The following ABCC1 variants were observed in gnomAD, a reference collection of about 807,000 sequenced individuals.
ABCC1 encodes the protein multidrug resistance-associated protein 1.
In ABCC1, 83 loss-of-function variants were observed where a neutral mutation model predicts 172.9. The ratio of observed to expected loss-of-function variants is 0.48; its 90% CI spans 0.40 to 0.58. ABCC1 has a LOEUF of 0.58. Among genes scored for constraint, ABCC1 ranks in the 20% least tolerant of loss-of-function variants. The probability of loss-of-function intolerance (pLI) is 0.00; values close to 1 mark genes in which losing one functional copy is unlikely to be tolerated. For synonymous variants in ABCC1, 937 were observed against 825.2 expected, an observed-to-expected ratio of 1.14 and a Z score of -2.32; for missense variants, 1,817 against 2,002.7, an observed-to-expected ratio of 0.91 and a Z score of 1.77.
At position 16,141,276 on chromosome 16, in the gene ABCC1, G is replaced by A. The variant is rs905137271; in HGVS notation, c.4591G>A (p.Val1531Met). 4.3e-6 allele frequency: 7 copies of A among 1,613,840 alleles called. No homozygotes were observed. The Admixed American group carries it at 5.0e-5, about 12-fold the overall frequency. ...CAGCATGGCCAAAGACGCCGGCTTGGTGTGAGCCCCAGAGCTGGCATATCT... is the reference window on the plus strand; with the variant it reads ...CAGCATGGCCAAAGACGCCGGCTTGATGTGAGCCCCAGAGCTGGCATATCT... ...FYSMAKDAGL[V>M] The change falls in exon 31 of 31, where the codon GTG becomes ATG. Residue 1531 changes from valine (V) to methionine (M), a missense_variant. Transcript: ENST00000399410.
intron 1 of ABCC1, among the ~76,000 whole-genome samples, chr16:15,954,888 C>G (rs1042792404): frequency 6.6e-6 from 1 of 152,156 alleles, no homozygotes. Flanking sequence ...TCCTAAAGAA[C>G]GTGAGCTTCC....
chr16:16,040,030 G>A (rs2048912083), intron 7 of ABCC1, among the ~76,000 whole-genome samples: 2 of 151,852 alleles, frequency 1.3e-5, no homozygotes, highest in African/African-American at 2.4e-5. Context: ...GCAGGGCAGT[G>A]GTGTGACGTG....
chr16:16,057,438 G>C (rs2049710476), intron 12 of ABCC1, among the ~76,000 whole-genome samples: 1 of 151,384 alleles, frequency 6.6e-6, no homozygotes, highest in Non-Finnish European at 1.5e-5. Flanking sequence ...TAGGATGTCA[G>C]CTCCAGATGG....
Position 16,056,543 on chromosome 16 carries a change from C to A in ABCC1, c.1677+248C>A, listed in dbSNP as rs2049662787. The A allele has an allele frequency of 1.1e-5, 6 of 523,944 alleles. No individual in the cohort carries two copies. In the South Asian group the frequency reaches 1.3e-4, roughly 11 times the overall value. 32.5% of individuals were successfully genotyped at this position (523,944 alleles called of 1,614,324 possible). A position where few individuals can be genotyped will look rare whatever the true frequency, so the allele number is the denominator to read the frequency against. Reference sequence around the variant, plus strand: ...AATAAGCCGGGTGTGGTGGCGCATGCCTGTAGTCCCAGCTACTAGGGAGGC... The same window carrying A: ...AATAAGCCGGGTGTGGTGGCGCATGACTGTAGTCCCAGCTACTAGGGAGGC... On this transcript the variant is annotated intron_variant, in intron 12 of 30. Coordinates refer to ENST00000399410, the MANE Select transcript of ABCC1 (RefSeq NM_004996.4).
chr16:15,992,411 T>C (rs752490083), intron 1 of ABCC1, among the ~76,000 whole-genome samples: 1 of 152,184 alleles, frequency 6.6e-6, no homozygotes, highest in African/African-American at 2.4e-5. Context: ...CTGTCTTTTT[T>C]TCTTTTGAGA....
At chr16:15,982,387 A>AG (rs1208342402) in intron 1 of ABCC1, among the ~76,000 whole-genome samples, 1 of 152,024 alleles carries the variant, frequency 6.6e-6, no homozygotes. Flanking sequence ...TCATGGTAGA[A>AG]GGGGAAGCAA....
chr16:15,999,819 T>TCTC (rs2047211609), intron 1 of ABCC1, among the ~76,000 whole-genome samples: 16 of 68,662 alleles, frequency 2.3e-4, no homozygotes, highest in African/African-American at 7.2e-4. Context: ...CCTCTCTCTC[T>TCTC]CTCTCTCTCT....
chr16:16,059,835 C>A (rs749428881), intron 12 of ABCC1, among the ~76,000 whole-genome samples: 1 of 150,192 alleles, frequency 6.7e-6, no homozygotes, highest in Non-Finnish European at 1.5e-5. Context: ...CCCAGCCCCC[C>A]ACAAAAAAAA....
intron 19 of ABCC1, among the ~76,000 whole-genome samples, chr16:16,096,966 G>T (rs1285016848): frequency 6.6e-6 from 1 of 151,942 alleles, no homozygotes; most frequent in African/African-American, 2.4e-5. Context: ...TCTCCACCCT[G>T]GCCCCCAGCC....
chr16:16,086,961 G>C lies in ABCC1; in HGVS notation c.2430G>C (p.Val810=). The C allele has an allele frequency of 6.2e-7, 1 of 1,614,246 alleles. No individual in the cohort carries two copies. Among genetic ancestry groups the C allele is most frequent in the Non-Finnish European group, 8.5e-7 (1 of 1,180,052 alleles). Residue 810 remains valine (V), a synonymous_variant, in exon 18 of 31, where the codon GTG becomes GTC. Transcript: ENST00000399410. ...AHVGKHIFEN[V]IGPKGMLKNK... is the part of the protein sequence containing the mutation. ...TGGGAAAACACATCTTTGAAAATGT[G>C]ATTGGCCCCAAGGGGATGCTGAAGA...
chr16:15,980,262 T>C (rs1473951326), intron 1 of ABCC1, among the ~76,000 whole-genome samples: 1 of 152,068 alleles, frequency 6.6e-6, no homozygotes, highest in Non-Finnish European at 1.5e-5. Context: ...CTCAGCACTT[T>C]GAGAGGCCAA....
In ABCC1 at chr16:16,026,690, C is replaced by T. The variant is rs1400983510; in HGVS notation, c.616-6419C>T. Among the ~76,000 whole-genome samples the T allele has an allele frequency of 5.3e-5, 8 of 150,794 alleles. No individual in the cohort carries two copies. In the East Asian group the frequency reaches 7.9e-4, roughly 15 times the overall value. ...CAGCGCTTTGTGAGGCCGAGATAGGCGGATCAGTTGAGGTCAGGAGTTCGA... is the reference window on the plus strand; with the variant it reads ...CAGCGCTTTGTGAGGCCGAGATAGGTGGATCAGTTGAGGTCAGGAGTTCGA... On this transcript the variant is annotated intron_variant, in intron 5 of 30. Transcript: ENST00000399410.
At chr16:16,134,311 C>T in intron 27 of ABCC1, 39 bp from the exon 28 acceptor site, 1 of 1,610,726 alleles carries the variant, frequency 6.2e-7, no homozygotes, top group Non-Finnish European at 8.5e-7. Flanking sequence ...AGTCCGGATG[C>T]CAGCATTCCC....
At position 16,134,421 on chromosome 16, in the gene ABCC1, T is replaced by A. The variant is rs554012320; in HGVS notation, c.4038T>A (p.Ser1346=). ...LTLGLFRINE[S]AEGEIIIDGI... ...TGGGCTTATTTCGGATCAACGAGTC[T>A]GCCGAAGGAGAGATCATCATCGATG... Residue 1346 remains serine (S), a synonymous_variant, in exon 28 of 31, where the codon TCT becomes TCA. Transcript: ENST00000399410. 110 of 1,614,030 alleles carry A rather than the reference T, an allele frequency of 6.8e-5. No individual in the cohort carries two copies. The highest frequency in any genetic ancestry group is 8.9e-5 in the Non-Finnish European group (105 of 1,180,028).
intron 1 of ABCC1, among the ~76,000 whole-genome samples, chr16:15,973,986 A>G (rs2046428715): frequency 6.6e-6 from 1 of 152,078 alleles, no homozygotes; most frequent in South Asian, 2.1e-4. Context: ...CCCTGTCTCA[A>G]AAAAAAGAAT....
intron 1 of ABCC1, among the ~76,000 whole-genome samples, chr16:15,977,077 C>T (rs1048553245): frequency 2.6e-5 from 4 of 152,176 alleles, no homozygotes; most frequent in Non-Finnish European, 5.9e-5. Context: ...TGAGGCAGGA[C>T]ACTCCTTGAG....
intron 23 of ABCC1, among the ~76,000 whole-genome samples, chr16:16,121,538 A>G (rs1374385379): frequency 6.6e-6 from 1 of 152,236 alleles, no homozygotes. Flanking sequence ...GAGAGGCAGT[A>G]CAGGGTAGAG....
Position 16,018,405 on chromosome 16 carries a change from C to G in ABCC1, c.615+1784C>G, listed in dbSNP as rs925027678. Among the ~76,000 whole-genome samples the G allele has an allele frequency of 5.3e-5, 8 of 152,032 alleles. 1 individual carries two copies. Among genetic ancestry groups the G allele is most frequent in the African/African-American group, 1.9e-4 (8 of 41,370 alleles). On this transcript the variant is annotated intron_variant, in intron 5 of 30. Transcript: ENST00000399410. ...CTCTGCTAAAAATACAAAAATTAGCCAGGCATGGTGGTGCATGCTTGTAAT... is the reference window on the plus strand; with the variant it reads ...CTCTGCTAAAAATACAAAAATTAGCGAGGCATGGTGGTGCATGCTTGTAAT...
At chr16:16,098,103 C>T (rs1596494317) in intron 19 of ABCC1, 2 of 152,486 alleles carry the variant, frequency 1.3e-5, no homozygotes, top group Non-Finnish European at 2.9e-5. Flanking sequence ...CTTTTCTTCT[C>T]CTCTTGGGCA....
Sources: allele counts gnomAD v4.1 joint callset (sites outside exome capture counted in the v4.1 genomes callset), GRCh38; gene constraint gnomAD v4.1.1; transcripts MANE v1.5; gene names NCBI Gene and HGNC (gene_info 2026-07-23, HGNC 2026-07-21).